DCLK1: variants seen among roughly 807,000 people sequenced by gnomAD.
The protein encoded by DCLK1 is doublecortin like kinase 1.
In DCLK1, 16 loss-of-function variants were observed where a neutral mutation model predicts 86.2. The ratio of observed to expected loss-of-function variants is 0.19; its 90% CI spans 0.13 to 0.28. The LOEUF (loss-of-function observed/expected upper bound fraction) is 0.28. DCLK1 is among the 10% of genes least tolerant of loss of function. The pLI is 1.00. For missense variants in DCLK1, 590 were observed against 940.2 expected (o/e 0.63, Z 4.87); for synonymous variants, 369 against 370.5 (o/e 1.00, Z 0.05).
intron 5 of DCLK1, chr13:35,855,689 CT>C: frequency 7.2e-7 from 1 of 1,392,708 alleles, no homozygotes. Context: ...CAGCAGATGC[CT>C]TTTCTGCGTA....
At chr13:35,811,821 C>G (rs933233494) in intron 11 of DCLK1, among the ~76,000 whole-genome samples, 5 of 149,578 alleles carry the variant, frequency 3.3e-5, no homozygotes, top group African/African-American at 1.2e-4. Context: ...GCAACAAGAG[C>G]GAAAATCTGT....
At position 36,092,243 on chromosome 13, in the gene DCLK1, T is replaced by C. The variant is rs1884850924; in HGVS notation, c.723+19626A>G. 3.3e-5 allele frequency among the ~76,000 whole-genome samples: 5 copies of C among 152,176 alleles called. No individual in the cohort carries two copies. The South Asian group carries it at 1.0e-3, about 32-fold the overall frequency. On this transcript the variant is annotated intron_variant, in intron 3 of 16. Coordinates refer to ENST00000360631, the MANE Select transcript of DCLK1 (RefSeq NM_001330071.2). The stretch of plus-strand genomic sequence containing the variant: ...TAGCTGTGTGATATCACACATATTA[T>C]ATAACCCTTCTAAATCTCAGTTTCC...
chr13:35,813,763 C>A (rs1593617570), intron 11 of DCLK1, among the ~76,000 whole-genome samples: 1 of 136,930 alleles, frequency 7.3e-6, no homozygotes, highest in South Asian at 2.4e-4. Context: ...TTAAAAACCA[C>A]ACAGTAGGAT....
At chr13:35,925,266 T>G (rs146741853) in intron 4 of DCLK1, among the ~76,000 whole-genome samples, 1 of 152,338 alleles carries the variant, frequency 6.6e-6, no homozygotes, top group Admixed American at 6.5e-5. Flanking sequence ...ACGGGCATCT[T>G]GGGTCAAGAC....
At chr13:36,101,942 C>G (rs1473137427) in intron 3 of DCLK1, among the ~76,000 whole-genome samples, 3 of 151,958 alleles carry the variant, frequency 2.0e-5, no homozygotes, top group Admixed American at 2.0e-4. Context: ...GGGGTTTCAC[C>G]GTGTTGGCCA....
At chr13:35,950,527 G>GA (rs1173118011) in intron 3 of DCLK1, among the ~76,000 whole-genome samples, 1 of 152,122 alleles carries the variant, frequency 6.6e-6, no homozygotes, top group East Asian at 1.9e-4. Context: ...TTTGAAACCT[G>GA]GTGTCCTAAA....
chr13:36,007,612 T>G (rs1224278419), intron 3 of DCLK1, among the ~76,000 whole-genome samples: 2 of 152,220 alleles, frequency 1.3e-5, no homozygotes, highest in African/African-American at 2.4e-5. Context: ...GAAGATATTC[T>G]ATATTGTAAG....
chr13:36,068,156 A>G (rs1038966084), intron 3 of DCLK1, among the ~76,000 whole-genome samples: 4 of 152,212 alleles, frequency 2.6e-5, no homozygotes, highest in African/African-American at 9.6e-5. Flanking sequence ...GGTTATCAAA[A>G]AACAGAGCCA....
rs143538738 is a variant in DCLK1, at chr13:36,020,008, G to A, written c.724-72551C>T. Reference sequence around the variant, plus strand: ...TCCTCCCAGTAATGAGTGAGTTCTCGTTTTATTAGTTTCCATGATAAATGA... The same window carrying A: ...TCCTCCCAGTAATGAGTGAGTTCTCATTTTATTAGTTTCCATGATAAATGA... On this transcript the variant is annotated intron_variant, in intron 3 of 16. Transcript: ENST00000360631. Among the ~76,000 whole-genome samples, 53 of 152,200 alleles carry A rather than the reference G, an allele frequency of 3.5e-4. No individual in the cohort carries two copies. The East Asian group carries it at 7.5e-3, about 22-fold the overall frequency.
At chr13:35,859,980 G>C (rs114712436) in intron 5 of DCLK1, among the ~76,000 whole-genome samples, 2 of 152,312 alleles carry the variant, frequency 1.3e-5, no homozygotes, top group Admixed American at 6.5e-5. Flanking sequence ...TGAAGTTAGA[G>C]AAATCTCCAA....
chr13:36,097,748 G>A (rs1885066820), intron 3 of DCLK1, among the ~76,000 whole-genome samples: 1 of 151,808 alleles, frequency 6.6e-6, no homozygotes, highest in African/African-American at 2.4e-5. Flanking sequence ...TGTGTTTAAA[G>A]ACTGACAAAT....
Position 35,774,473 on chromosome 13 carries a change from T to TG in DCLK1, c.*61dup. ...CAGATGAAACTGTTTTACACAAATT[T>TG]GGGGGAAAAAAATCTCAGAGTCTCA... On this transcript the variant is annotated 3_prime_UTR_variant, in exon 17 of 17. Coordinates refer to ENST00000360631, the MANE Select transcript of DCLK1 (RefSeq NM_001330071.2). The TG allele has an allele frequency of 6.5e-7, 1 of 1,536,270 alleles. No homozygotes were observed.
At chr13:35,802,799 T>C (rs989396632) in intron 15 of DCLK1, among the ~76,000 whole-genome samples, 8 of 152,268 alleles carry the variant, frequency 5.3e-5, no homozygotes, top group Non-Finnish European at 1.0e-4. Context: ...TTCAGTTATA[T>C]ACACTGAATT....
At chr13:36,103,288 C>T (rs568886964) in intron 3 of DCLK1, among the ~76,000 whole-genome samples, 1 of 151,628 alleles carries the variant, frequency 6.6e-6, no homozygotes, top group East Asian at 1.9e-4. Context: ...GTAATCCCAG[C>T]TACTTGGGAG....
intron 3 of DCLK1, among the ~76,000 whole-genome samples, chr13:35,994,703 G>C (rs964894918): frequency 6.6e-6 from 1 of 152,186 alleles, no homozygotes; most frequent in Admixed American, 6.5e-5. Context: ...GACAAATGTG[G>C]CATGATTTTG....
At chr13:35,869,672 A>G (rs1390898892) in intron 5 of DCLK1, among the ~76,000 whole-genome samples, 1 of 152,224 alleles carries the variant, frequency 6.6e-6, no homozygotes, top group Non-Finnish European at 1.5e-5. Flanking sequence ...GTGCATTGGA[A>G]TCAGCTGGAG....
intron 4 of DCLK1, among the ~76,000 whole-genome samples, chr13:35,872,550 G>T (rs1242803901): frequency 6.6e-6 from 1 of 152,272 alleles, no homozygotes; most frequent in Admixed American, 6.5e-5. Context: ...TGAGTGTGCA[G>T]TTATCCTATC....
chr13:36,067,844 AC>A (rs1386508335), intron 3 of DCLK1, among the ~76,000 whole-genome samples: 1 of 152,050 alleles, frequency 6.6e-6, no homozygotes, highest in Non-Finnish European at 1.5e-5. Flanking sequence ...CTCCAAAATC[AC>A]TATGCTAAAT....
intron 3 of DCLK1, among the ~76,000 whole-genome samples, chr13:36,020,104 C>T (rs1028256704): frequency 4.6e-5 from 7 of 152,248 alleles, no homozygotes; most frequent in African/African-American, 1.7e-4. Context: ...TGTCCTCTGC[C>T]TTTTGCCACG....
Sources: allele counts gnomAD v4.1 joint callset (sites outside exome capture counted in the v4.1 genomes callset), GRCh38; gene constraint gnomAD v4.1.1; transcripts MANE v1.5; gene names NCBI Gene and HGNC (gene_info 2026-07-23, HGNC 2026-07-21).